The following CNTNAP5 variants were observed in gnomAD, a reference collection of about 807,000 sequenced individuals.
The protein encoded by CNTNAP5 is contactin-associated protein-like 5.
CNTNAP5 carries 72 observed loss-of-function variants against 150.2 expected under a neutral mutation model. The observed-to-expected ratio is 0.48, with a 90% CI of 0.40 to 0.58. CNTNAP5 has a LOEUF of 0.58. CNTNAP5 is among the 20% of genes least tolerant of loss of function. CNTNAP5 has a pLI of 0.00. For missense variants in CNTNAP5, 1,636 were observed against 1,626.2 expected, an observed-to-expected ratio of 1.01 and a Z score of -0.10; for synonymous variants, 672 against 619.8, an observed-to-expected ratio of 1.08 and a Z score of -1.25.
At chr2:124,184,625 C>G (rs919562181) in intron 1 of CNTNAP5, among the ~76,000 whole-genome samples, 2 of 152,156 alleles carry the variant, frequency 1.3e-5, no homozygotes, top group Non-Finnish European at 2.9e-5. Context: ...ATTCAAGGGA[C>G]AACCTATTAA....
chr2:124,296,533 C>G (rs944983466), intron 3 of CNTNAP5, among the ~76,000 whole-genome samples: 6 of 152,146 alleles, frequency 3.9e-5, no homozygotes, highest in Non-Finnish European at 4.4e-5. Flanking sequence ...CATGTACACT[C>G]CCATCTTTTC....
intron 21 of CNTNAP5, among the ~76,000 whole-genome samples, chr2:124,881,962 T>A (rs942844962): frequency 2.0e-4 from 31 of 152,012 alleles, no homozygotes; most frequent in African/African-American, 7.2e-4. Context: ...CTATTCCTGA[T>A]TTTAGGATCC....
At chr2:124,674,313 G>A (rs529890159) in intron 13 of CNTNAP5, among the ~76,000 whole-genome samples, 2 of 151,688 alleles carry the variant, frequency 1.3e-5, no homozygotes, top group Non-Finnish European at 2.9e-5. Flanking sequence ...TAAGGTTGTT[G>A]ATTTGAGAAC....
At chr2:124,242,463 C>T (rs758076673) in intron 3 of CNTNAP5, 70 bp downstream of exon 3, 2 of 1,406,264 alleles carry the variant, frequency 1.4e-6, no homozygotes, top group Non-Finnish European at 2.0e-6. Context: ...ATATTTCCGT[C>T]ATTTTCCAAT....
At position 124,918,972 on chromosome 2, in the gene CNTNAP5, T is replaced by C. The variant is rs1459094585; in HGVS notation, c.*4684T>C. Among the ~76,000 whole-genome samples, 2 of 152,130 alleles carry C rather than the reference T, an allele frequency of 1.3e-5. No individual in the cohort carries two copies. Among genetic ancestry groups the C allele is most frequent in the Non-Finnish European group, 2.9e-5 (2 of 68,020 alleles). On this transcript the variant is annotated 3_prime_UTR_variant, in exon 24 of 24. Transcript: ENST00000682447. ...ATGTAATTGAATTATTTCTATATAC[T>C]GTTCTTGAGTCTTTCTTGACCTCTT...
intron 7 of CNTNAP5, among the ~76,000 whole-genome samples, chr2:124,479,558 G>A (rs932288523): frequency 1.3e-5 from 2 of 152,174 alleles, no homozygotes; most frequent in Non-Finnish European, 1.5e-5. Context: ...TGGCTTTGGA[G>A]CTAATTGACT....
chr2:124,161,030 C>G (rs1684664296), intron 1 of CNTNAP5, among the ~76,000 whole-genome samples: 1 of 151,998 alleles, frequency 6.6e-6, no homozygotes, highest in South Asian at 2.1e-4. Flanking sequence ...ACAGCAAGAT[C>G]AGAGGAAATA....
intron 13 of CNTNAP5, among the ~76,000 whole-genome samples, chr2:124,712,342 A>G (rs1194923770): frequency 6.6e-6 from 1 of 152,196 alleles, no homozygotes; most frequent in South Asian, 2.1e-4. Context: ...GCTAGACAGC[A>G]TAATTATTCT....
At chr2:124,396,158 T>C (rs933279620) in intron 3 of CNTNAP5, among the ~76,000 whole-genome samples, 1 of 152,206 alleles carries the variant, frequency 6.6e-6, no homozygotes, top group Non-Finnish European at 1.5e-5. Context: ...AGGAACTCCA[T>C]ATGCCTGTCT....
At chr2:124,499,744 T>C (rs1694234699) in intron 7 of CNTNAP5, among the ~76,000 whole-genome samples, 1 of 152,224 alleles carries the variant, frequency 6.6e-6, no homozygotes, top group Non-Finnish European at 1.5e-5. Flanking sequence ...AAATTTCTCA[T>C]AGATCTGTTT....
chr2:124,793,049 C>G (rs914105010), intron 18 of CNTNAP5, among the ~76,000 whole-genome samples: 1 of 152,146 alleles, frequency 6.6e-6, no homozygotes, highest in Non-Finnish European at 1.5e-5. Context: ...GGATATATAC[C>G]TAGAAGTGAG....
chr2:124,030,373 C>T (rs940217381), intron 1 of CNTNAP5, among the ~76,000 whole-genome samples: 4 of 152,100 alleles, frequency 2.6e-5, no homozygotes, highest in Non-Finnish European at 4.4e-5. Flanking sequence ...ATCCAGTTTA[C>T]AGATGAGCAT....
chr2:124,192,582 C>A (rs985677786), intron 1 of CNTNAP5, among the ~76,000 whole-genome samples: 2 of 152,276 alleles, frequency 1.3e-5, no homozygotes, highest in Non-Finnish European at 2.9e-5. Context: ...AGTGTCAAAA[C>A]TGAACTCCAC....
At chr2:124,369,557 T>C (rs576722242) in intron 3 of CNTNAP5, among the ~76,000 whole-genome samples, 56 of 152,220 alleles carry the variant, frequency 3.7e-4, no homozygotes, top group African/African-American at 1.3e-3. Flanking sequence ...AGAGATAGGG[T>C]TGAAAACCTT....
At chr2:124,565,626 G>A (rs71338991) in intron 11 of CNTNAP5, among the ~76,000 whole-genome samples, 27,062 of 88,032 alleles carry the variant, frequency 0.31, 7,088 homozygotes, top group East Asian at 0.98. Context: ...TTGAGATGGA[G>A]TCTTGCTCTG....
At chr2:124,867,339 T>C (rs1677654665) in intron 20 of CNTNAP5, among the ~76,000 whole-genome samples, 1 of 152,214 alleles carries the variant, frequency 6.6e-6, no homozygotes. Context: ...GAAATGTTGT[T>C]TATATGCTTG....
intron 2 of CNTNAP5, among the ~76,000 whole-genome samples, chr2:124,239,355 G>T (rs1330430223): frequency 1.3e-5 from 2 of 152,122 alleles, no homozygotes; most frequent in Non-Finnish European, 2.9e-5. Context: ...TTTAAAGCAT[G>T]ATGAGGAAGT....
chr2:124,239,904 C>T (rs1686844125), intron 2 of CNTNAP5, among the ~76,000 whole-genome samples: 2 of 152,060 alleles, frequency 1.3e-5, no homozygotes, highest in Admixed American at 1.3e-4. Flanking sequence ...AGTTGAATGA[C>T]AAAAATGTAC....
chr2:124,759,819 A>T (rs1451484223), intron 14 of CNTNAP5, among the ~76,000 whole-genome samples: 1 of 140,122 alleles, frequency 7.1e-6, no homozygotes, highest in African/African-American at 2.6e-5. Flanking sequence ...GCACAGGGAG[A>T]TGGATATTAT....
Sources: gnomAD v4.1 joint callset for allele counts (sites outside exome capture counted in the v4.1 genomes callset) on GRCh38, gnomAD v4.1.1 for gene constraint, MANE v1.5 for transcripts, NCBI Gene and HGNC (gene_info 2026-07-23, HGNC 2026-07-21) for gene names.